Variants in DEPTOR observed in about 807,000 individuals in gnomAD.
DEPTOR encodes the protein DEP domain-containing mTOR-interacting protein.
A neutral mutation model predicts 41.6 loss-of-function variants in DEPTOR; 41 were observed. The ratio of observed to expected loss-of-function variants is 0.98; its 90% CI spans 0.77 to 1.28. The LOEUF (loss-of-function observed/expected upper bound fraction) is 1.28, where lower values mean the gene tolerates loss of function less well. Ranked by LOEUF, DEPTOR falls within the 50% of genes most tolerant of loss-of-function variation. DEPTOR has a pLI of 0.00. For missense variants in DEPTOR, 514 were observed against 527.9 expected, an observed-to-expected ratio of 0.97 and a Z score of 0.26; for synonymous variants, 195 against 192.3, an observed-to-expected ratio of 1.01 and a Z score of -0.12.
intron 3 of DEPTOR, among the ~76,000 whole-genome samples, chr8:119,933,867 C>G (rs1312527176): frequency 1.3e-5 from 2 of 151,880 alleles, no homozygotes; most frequent in Non-Finnish European, 2.9e-5. Flanking sequence ...TTTTTGGGAA[C>G]CCTGGCTTTC....
intron 3 of DEPTOR, among the ~76,000 whole-genome samples, chr8:119,942,102 G>A (rs980006732): frequency 3.3e-5 from 5 of 152,130 alleles, no homozygotes; most frequent in African/African-American, 9.7e-5. Flanking sequence ...ACAGGCAGCC[G>A]GCCAGCTGTG....
chr8:119,993,890 C>T (rs1277733301), intron 4 of DEPTOR, among the ~76,000 whole-genome samples: 1 of 151,924 alleles, frequency 6.6e-6, no homozygotes, highest in Non-Finnish European at 1.5e-5. Flanking sequence ...GGTGCGGTGG[C>T]TCACACCTGT....
chr8:119,996,538 C>T (rs1812262084), intron 4 of DEPTOR, among the ~76,000 whole-genome samples: 1 of 152,024 alleles, frequency 6.6e-6, no homozygotes, highest in East Asian at 1.9e-4. Flanking sequence ...AGTATGTTTG[C>T]CCTGTTGGTT....
intron 1 of DEPTOR, among the ~76,000 whole-genome samples, chr8:119,887,836 T>C (rs2129701357): frequency 6.6e-6 from 1 of 151,902 alleles, no homozygotes; most frequent in African/African-American, 2.4e-5. Context: ...GTTTTGTTTT[T>C]TGGACACATG....
chr8:120,042,964 C>T (rs989913130), intron 8 of DEPTOR, among the ~76,000 whole-genome samples: 3 of 152,040 alleles, frequency 2.0e-5, no homozygotes, highest in Admixed American at 1.3e-4. Context: ...GATTCTCCTG[C>T]CTCAGCCTCC....
At chr8:120,003,248 T>C (rs1812383976) in intron 6 of DEPTOR, 137 bp downstream of exon 6, 1 of 1,422,158 alleles carries the variant, frequency 7.0e-7, no homozygotes, top group Non-Finnish European at 9.4e-7. Context: ...TCCACACGTG[T>C]TGAATGGAAG....
At chr8:120,040,748 A>G (rs1277021001) in intron 8 of DEPTOR, among the ~76,000 whole-genome samples, 1 of 152,234 alleles carries the variant, frequency 6.6e-6, no homozygotes, top group Admixed American at 6.5e-5. Context: ...TAACGTAAGT[A>G]TTCTAGAGAG....
intron 1 of DEPTOR, among the ~76,000 whole-genome samples, chr8:119,921,772 G>T (rs9987334): frequency 0.19 from 24,928 of 128,800 alleles, 3,055 homozygotes; most frequent in African/African-American, 0.26. Flanking sequence ...TTGTTTGTTT[G>T]TTTTTTGAAA....
intron 4 of DEPTOR, among the ~76,000 whole-genome samples, chr8:119,997,421 T>A (rs1812283431): frequency 6.6e-6 from 1 of 152,092 alleles, no homozygotes; most frequent in Non-Finnish European, 1.5e-5. Flanking sequence ...TTCATTTTAT[T>A]TTTGGAGACA....
intron 1 of DEPTOR, among the ~76,000 whole-genome samples, chr8:119,883,250 G>A (rs1030970996): frequency 9.2e-5 from 14 of 151,874 alleles, no homozygotes; most frequent in South Asian, 8.3e-4. Flanking sequence ...CGAGGCGGGC[G>A]GATCACGAGG....
At chr8:119,933,875 T>G (rs944018064) in intron 3 of DEPTOR, among the ~76,000 whole-genome samples, 9 of 152,134 alleles carry the variant, frequency 5.9e-5, no homozygotes, top group African/African-American at 2.2e-4. Context: ...AACCCTGGCT[T>G]TCTTTTTTAT....
chr8:119,913,232 T>A (rs1827767302), intron 1 of DEPTOR, among the ~76,000 whole-genome samples: 2 of 152,118 alleles, frequency 1.3e-5, no homozygotes, highest in African/African-American at 2.4e-5. Flanking sequence ...AGAATCTAGT[T>A]TAAAGAGTGT....
intron 4 of DEPTOR, among the ~76,000 whole-genome samples, chr8:119,968,931 T>C (rs993974900): frequency 2.0e-5 from 3 of 152,022 alleles, no homozygotes; most frequent in African/African-American, 7.2e-5. Context: ...CCGTCTCTAC[T>C]ATAAAAACAA....
At position 119,978,113 on chromosome 8, in the gene DEPTOR, C is replaced by T. The variant is rs546781798; in HGVS notation, c.604+12703C>T. ...GTTCCTACCCACCCCTGCCTCAGTC[C>T]TGACAGCTCGTCACCCAGTGTCCCC... is the stretch of plus-strand genomic sequence containing the variant. On this transcript the variant is annotated intron_variant, in intron 4 of 8. Coordinates refer to ENST00000286234, the MANE Select transcript of DEPTOR (RefSeq NM_022783.4). Among the ~76,000 whole-genome samples the T allele has an allele frequency of 9.9e-5, 15 of 152,282 alleles. No homozygotes were observed. The South Asian group carries it at 3.1e-3, about 32-fold the overall frequency.
chr8:119,983,403 GAGAC>G (rs745890960), intron 4 of DEPTOR, among the ~76,000 whole-genome samples: 22 of 151,596 alleles, frequency 1.5e-4, no homozygotes, highest in Non-Finnish European at 2.8e-4. Context: ...TTATTTTTTT[GAGAC>G]AGAGTCTCAC....
At chr8:120,021,265 A>G (rs1276236188) in intron 8 of DEPTOR, among the ~76,000 whole-genome samples, 1 of 151,926 alleles carries the variant, frequency 6.6e-6, no homozygotes, top group Admixed American at 6.6e-5. Flanking sequence ...TTAGCCGGGC[A>G]TGGTGGCAGG....
intron 8 of DEPTOR, among the ~76,000 whole-genome samples, chr8:120,014,350 G>C (rs1812577531): frequency 6.6e-6 from 1 of 152,084 alleles, no homozygotes; most frequent in Non-Finnish European, 1.5e-5. Flanking sequence ...AGAAGGAACT[G>C]TCTCTTCTAT....
At chr8:119,933,687 G>A (rs897485748) in intron 3 of DEPTOR, among the ~76,000 whole-genome samples, 1 of 152,106 alleles carries the variant, frequency 6.6e-6, no homozygotes, top group African/African-American at 2.4e-5. Flanking sequence ...GGTGAGACAT[G>A]AACCTGGGGT....
chr8:119,878,315 CCTGACA>C (rs1827253991), intron 1 of DEPTOR, among the ~76,000 whole-genome samples: 1 of 134,010 alleles, frequency 7.5e-6, no homozygotes, highest in Non-Finnish European at 1.6e-5. Context: ...CCTGGCCAAT[CCTGACA>C]CTTTTTTTTT....
Sources: allele counts gnomAD v4.1 joint callset (sites outside exome capture counted in the v4.1 genomes callset), GRCh38; gene constraint gnomAD v4.1.1; transcripts MANE v1.5; gene names NCBI Gene and HGNC (gene_info 2026-07-23, HGNC 2026-07-21).